The following BIRC7 variants were observed in gnomAD, a reference collection of about 807,000 sequenced individuals.
BIRC7 encodes baculoviral IAP repeat containing 7.
In BIRC7, 26 loss-of-function variants were observed where a neutral mutation model predicts 33.2. The observed-to-expected ratio is 0.78, with a 90% CI of 0.57 to 1.09. The LOEUF is 1.09. BIRC7 is among the 50% of genes least tolerant of loss of function. BIRC7 has a pLI of 0.00. For synonymous variants in BIRC7, 176 were observed against 171.0 expected (o/e 1.03, Z -0.23); for missense variants, 409 against 401.2 (o/e 1.02, Z -0.17).
chr20:63,239,371 A>T lies in BIRC7; in HGVS notation c.663A>T (p.Pro221=), dbSNP rs535809908. The change falls in exon 6 of 7, where the codon CCA becomes CCT. Residue 221 remains proline (P), a synonymous_variant. Transcript: ENST00000217169. ...CTGTCCTCCTAGGAGGGGTCAGTCCAGCCGAGGCCCAGAGGGCGTGGTGGG... is the reference window on the plus strand; with the variant it reads ...CTGTCCTCCTAGGAGGGGTCAGTCCTGCCGAGGCCCAGAGGGCGTGGTGGG... ...ESAQEPGGVS[P]AEAQRAWWVL... 8.1e-6 allele frequency: 13 copies of T among 1,603,386 alleles called. No homozygotes were observed. The highest frequency in any genetic ancestry group is 8.5e-6 in the Non-Finnish European group (10 of 1,179,730).
chr20:63,236,997 G>A (rs2066693015), intron 1 of BIRC7, among the ~76,000 whole-genome samples: 1 of 152,230 alleles, frequency 6.6e-6, no homozygotes, highest in Non-Finnish European at 1.5e-5. Context: ...CTGCTCCTCT[G>A]CCCTACAGCT....
chr20:63,237,238 C>A (rs973897332), intron 1 of BIRC7, among the ~76,000 whole-genome samples: 1 of 152,348 alleles, frequency 6.6e-6, no homozygotes, highest in South Asian at 2.1e-4. Flanking sequence ...GGGGCAGGCC[C>A]AGCTCACCCA....
chr20:63,238,573 C>A lies in BIRC7; in HGVS notation c.536C>A (p.Pro179Gln). 6.2e-7 allele frequency: 1 copy of A among 1,613,136 alleles called. No homozygotes were observed. The highest frequency in any genetic ancestry group is 8.5e-7 in the Non-Finnish European group (1 of 1,179,984). ...THSQLLGSWD[P>Q]WEEPEDAAPV... ...ATGGTCTCTGGCTCCTTCCAGGACC[C>A]GTGGGAAGAACCGGAAGACGCAGCC... The change falls in exon 4 of 7, where the codon CCG (proline) becomes CAG (glutamine). Residue 179 changes from proline (P) to glutamine (Q), a missense_variant. By Grantham distance (76) the Pro-to-Gln change is moderately conservative. Transcript: ENST00000217169.
chr20:63,236,038 G>C lies in BIRC7; in HGVS notation c.-59G>C, dbSNP rs367622619. On this transcript the variant is annotated 5_prime_UTR_variant, in exon 1 of 7. Coordinates refer to ENST00000217169, the MANE Select transcript of BIRC7 (RefSeq NM_139317.3). ...CAGAAGGGCCAGCTGGGCATATTCT[G>C]AGATTGGCCATCAGCCCCCATTTCT... is the stretch of plus-strand genomic sequence containing the variant. 1.8e-5 allele frequency: 26 copies of C among 1,469,134 alleles called. No individual in the cohort carries two copies. In the African/African-American group the frequency reaches 3.6e-4, roughly 21 times the overall value. The allele number at this position is 1,469,134 out of a possible 1,614,324, so 91.0% of individuals were successfully genotyped here.
intron 1 of BIRC7, among the ~76,000 whole-genome samples, chr20:63,236,957 C>T (rs564782696): frequency 8.5e-5 from 13 of 152,356 alleles, no homozygotes; most frequent in African/African-American, 2.4e-4. Context: ...ATCAAGTCCC[C>T]GGAGTACCTA....
In BIRC7 at chr20:63,236,138, A is replaced by G; in HGVS notation, c.42A>G (p.Pro14=). 1.3e-6 allele frequency: 2 copies of G among 1,581,284 alleles called. No homozygotes were observed. Among genetic ancestry groups the G allele is most frequent in the Non-Finnish European group, 1.7e-6 (2 of 1,163,256 alleles). ...GTGCCAAGTGCCTGCACCGTGGACC[A>G]CAGCCGAGCCACTGGGCAGCCGGTG... ...KDSAKCLHRG[P]QPSHWAAGDG... The change falls in exon 1 of 7, where the codon CCA becomes CCG. Residue 14 remains proline, a synonymous_variant. Coordinates refer to ENST00000217169, the MANE Select transcript of BIRC7 (RefSeq NM_139317.3).
In BIRC7 at chr20:63,236,086, G is replaced by C; in HGVS notation, c.-11G>C. The C allele has an allele frequency of 6.6e-7, 1 of 1,524,404 alleles. No homozygotes were observed. Among genetic ancestry groups the C allele is most frequent in the Non-Finnish European group, 8.9e-7 (1 of 1,125,962 alleles). The allele number at this position is 1,524,404 out of a possible 1,614,324, so 94.4% of individuals were successfully genotyped here. On this transcript the variant is annotated 5_prime_UTR_variant, in exon 1 of 7. Coordinates refer to ENST00000217169, the MANE Select transcript of BIRC7 (RefSeq NM_139317.3). ...TCTGCTGCAAACCTGGTCAGAGCCA[G>C]TGTTCCCTCCATGGGACCTAAAGAC...
chr20:63,236,545 A>C, intron 1 of BIRC7, 100 bp downstream of exon 1: 2 of 1,414,554 alleles, frequency 1.4e-6, no homozygotes, highest in Non-Finnish European at 1.8e-6. Context: ...CCATCCCCCA[A>C]CAGGAAGGGT....
intron 4 of BIRC7, chr20:63,238,894 C>A: frequency 1.6e-6 from 1 of 625,778 alleles, no homozygotes; most frequent in Non-Finnish European, 2.8e-6. Context: ...CCAACAGTGC[C>A]CAGCACACAG....
chr20:63,239,650 G>A, intron 6 of BIRC7, 40 bp downstream of exon 6: 2 of 1,557,478 alleles, frequency 1.3e-6, no homozygotes, highest in South Asian at 1.2e-5. Flanking sequence ...CCCTCCTGCG[G>A]AGGGGGCCCT....
At chr20:63,236,658 C>A (rs528007469) in intron 1 of BIRC7, among the ~76,000 whole-genome samples, 1 of 152,166 alleles carries the variant, frequency 6.6e-6, no homozygotes, top group Non-Finnish European at 1.5e-5. Flanking sequence ...TGTTTCAGAC[C>A]GTGGGATGTG....
In BIRC7 at chr20:63,238,598, C is replaced by T; in HGVS notation, c.561C>T (p.Ala187=). The T allele has an allele frequency of 6.2e-7, 1 of 1,612,954 alleles. No individual in the cohort carries two copies. The highest frequency in any genetic ancestry group is 1.3e-5 in the African/African-American group (1 of 75,056). Residue 187 remains alanine, a synonymous_variant, in exon 4 of 7, where the codon GCC becomes GCT. Transcript: ENST00000217169. ...WDPWEEPEDA[A]PVAPSVPASG... ...CGTGGGAAGAACCGGAAGACGCAGC[C>T]CCTGTGGCCCCCTCCGGTGAGAGCT...
Position 63,236,141 on chromosome 20 carries a change from G to A in BIRC7, c.45G>A (p.Gln15=), listed in dbSNP as rs2123022282. The A allele has an allele frequency of 1.9e-6, 3 of 1,582,344 alleles. No individual in the cohort carries two copies. The highest frequency in any genetic ancestry group is 1.7e-6 in the Non-Finnish European group (2 of 1,163,916). The change falls in exon 1 of 7, where the codon CAG becomes CAA. Residue 15 remains glutamine, a synonymous_variant. Coordinates refer to ENST00000217169, the MANE Select transcript of BIRC7 (RefSeq NM_139317.3). ...DSAKCLHRGP[Q]PSHWAAGDGP... The stretch of plus-strand genomic sequence containing the variant: ...CCAAGTGCCTGCACCGTGGACCACA[G>A]CCGAGCCACTGGGCAGCCGGTGATG...
intron 5 of BIRC7, 42 bp from the exon 6 acceptor site, chr20:63,239,316 G>A: frequency 6.2e-7 from 1 of 1,604,100 alleles, no homozygotes; most frequent in Non-Finnish European, 8.5e-7. Context: ...ATAGAGGGTG[G>A]GGGCCAGGGT....
At chr20:63,237,819 A>G in intron 1 of BIRC7, 84 bp from the exon 2 acceptor site, 2 of 1,217,094 alleles carry the variant, frequency 1.6e-6, no homozygotes, top group Non-Finnish European at 2.2e-6. Flanking sequence ...CTCCAGCTGA[A>G]GCTCTCATAG....
intron 4 of BIRC7, chr20:63,238,876 TACC>T: frequency 1.6e-6 from 1 of 626,190 alleles, no homozygotes; most frequent in Non-Finnish European, 2.8e-6. Context: ...CCTGTCGCCA[TACC>T]ACCCCCAACA....
Position 63,239,615 on chromosome 20 carries a change from G to C in BIRC7, c.*5+5G>C. Reference sequence around the variant, plus strand: ...CACCTTCCTGTCCTAGGCCAGGTGAGCGCCCCAGCACCACGCGCAGCCAGC... The same window carrying C: ...CACCTTCCTGTCCTAGGCCAGGTGACCGCCCCAGCACCACGCGCAGCCAGC... On this transcript the variant is annotated splice_donor_5th_base_variant and intron_variant, in intron 6 of 6. Coordinates refer to ENST00000217169, the MANE Select transcript of BIRC7 (RefSeq NM_139317.3). 1 of 1,590,442 alleles carries C rather than the reference G, an allele frequency of 6.3e-7. No homozygotes were observed. Among genetic ancestry groups the C allele is most frequent in the Non-Finnish European group, 8.5e-7 (1 of 1,175,464 alleles).
At chr20:63,239,012 AG>A in intron 4 of BIRC7, 149 bp from the exon 5 acceptor site, 1 of 809,474 alleles carries the variant, frequency 1.2e-6, no homozygotes, top group Non-Finnish European at 2.0e-6. Flanking sequence ...ATGCTGTGGG[AG>A]GGGTGGGAAG....
chr20:63,238,269 G>A (rs759474257), intron 2 of BIRC7, 127 bp from the exon 3 acceptor site: 14 of 1,181,358 alleles, frequency 1.2e-5, no homozygotes, highest in African/African-American at 1.5e-5. Flanking sequence ...AGCCCTCCTC[G>A]CCCATGCCCA....
Sources: allele counts gnomAD v4.1 joint callset (sites outside exome capture counted in the v4.1 genomes callset), GRCh38; gene constraint gnomAD v4.1.1; transcripts MANE v1.5; gene names NCBI Gene and HGNC (gene_info 2026-07-23, HGNC 2026-07-21).